The following SUMF1 variants were observed in gnomAD, a reference collection of about 807,000 sequenced individuals.
SUMF1 encodes the protein formylglycine-generating enzyme.
A neutral mutation model predicts 47.6 loss-of-function variants in SUMF1; 48 were observed. The observed-to-expected ratio is 1.01, with a 90% CI of 0.80 to 1.28. The LOEUF is 1.28. Ranked by LOEUF, SUMF1 falls within the 50% of genes most tolerant of loss-of-function variation. SUMF1 has a pLI of 0.00. For missense variants in SUMF1, 571 were observed against 485.4 expected, an observed-to-expected ratio of 1.18 and a Z score of -1.66; for synonymous variants, 230 against 192.1, an observed-to-expected ratio of 1.20 and a Z score of -1.63.
At chr3:4,234,532 G>C (rs534646037) in intron 8 of SUMF1, among the ~76,000 whole-genome samples, 6 of 152,220 alleles carry the variant, frequency 3.9e-5, no homozygotes, top group African/African-American at 1.4e-4. Context: ...GTATATGACT[G>C]TTTATGTGTA....
At chr3:4,374,232 G>A (rs1306212523) in intron 8 of SUMF1, among the ~76,000 whole-genome samples, 1 of 152,112 alleles carries the variant, frequency 6.6e-6, no homozygotes. Flanking sequence ...GATTAAAAAG[G>A]AAGAACTGTC....
intron 8 of SUMF1, among the ~76,000 whole-genome samples, chr3:4,337,676 G>A (rs1021781793): frequency 1.3e-5 from 2 of 152,102 alleles, no homozygotes; most frequent in Admixed American, 1.3e-4. Flanking sequence ...CATAGTAGGT[G>A]GATACAGAAA....
At chr3:4,061,548 T>C (rs967129095) in intron 9 of SUMF1, among the ~76,000 whole-genome samples, 1 of 152,168 alleles carries the variant, frequency 6.6e-6, no homozygotes, top group Non-Finnish European at 1.5e-5. Context: ...TCCCATCTCC[T>C]CAGCTGCAGC....
chr3:4,299,594 A>G (rs1307209574), intron 8 of SUMF1, among the ~76,000 whole-genome samples: 2 of 152,190 alleles, frequency 1.3e-5, no homozygotes, highest in Non-Finnish European at 2.9e-5. Context: ...GGATCACTTG[A>G]GGTCAGGAGT....
At chr3:4,251,401 G>A (rs1443500580) in intron 8 of SUMF1, among the ~76,000 whole-genome samples, 1 of 152,196 alleles carries the variant, frequency 6.6e-6, no homozygotes, top group Non-Finnish European at 1.5e-5. Flanking sequence ...TGTCAACATT[G>A]TTGAAATGAC....
At chr3:4,212,471 AG>A (rs1264725725) in intron 8 of SUMF1, among the ~76,000 whole-genome samples, 2 of 152,144 alleles carry the variant, frequency 1.3e-5, no homozygotes, top group Non-Finnish European at 1.5e-5. Flanking sequence ...AAGCACAAAA[AG>A]TCTGAAAATT....
chr3:4,261,725 C>G (rs1697090639), intron 8 of SUMF1, among the ~76,000 whole-genome samples: 1 of 152,148 alleles, frequency 6.6e-6, no homozygotes, highest in South Asian at 2.1e-4. Context: ...AAAAATCTAT[C>G]CATGTTCACT....
chr3:4,147,583 A>T (rs1391013971), intron 8 of SUMF1, among the ~76,000 whole-genome samples: 2 of 152,180 alleles, frequency 1.3e-5, no homozygotes, highest in African/African-American at 4.8e-5. Context: ...GACAGAATTT[A>T]TGGTCTTTTT....
chr3:4,176,547 A>G (rs554987932), intron 8 of SUMF1, among the ~76,000 whole-genome samples: 5 of 152,184 alleles, frequency 3.3e-5, no homozygotes, highest in Non-Finnish European at 5.9e-5. Context: ...AGCACTAAAC[A>G]TGGAAAGGAA....
At chr3:4,083,835 AT>A (rs1475551848) in intron 8 of SUMF1, among the ~76,000 whole-genome samples, 1 of 146,296 alleles carries the variant, frequency 6.8e-6, no homozygotes, top group Non-Finnish European at 1.5e-5. Flanking sequence ...GCACACAGGC[AT>A]GTCAAAAAAA....
intron 8 of SUMF1, among the ~76,000 whole-genome samples, chr3:4,152,206 T>A (rs893543833): frequency 6.6e-6 from 1 of 151,648 alleles, no homozygotes. Flanking sequence ...GAAATTTGCC[T>A]GGCACAAAGC....
intron 9 of SUMF1, among the ~76,000 whole-genome samples, chr3:4,050,820 A>G (rs967417843): frequency 1.3e-5 from 2 of 151,820 alleles, no homozygotes; most frequent in Non-Finnish European, 2.9e-5. Context: ...AATGATGTAC[A>G]TGAAAGCACC....
At chr3:4,118,133 C>T (rs1330394836) in intron 8 of SUMF1, among the ~76,000 whole-genome samples, 1 of 151,968 alleles carries the variant, frequency 6.6e-6, no homozygotes, top group East Asian at 1.9e-4. Flanking sequence ...ATAGGACCCT[C>T]CTCTCCCCAC....
At chr3:4,113,074 T>C (rs1693346743) in intron 8 of SUMF1, among the ~76,000 whole-genome samples, 1 of 152,160 alleles carries the variant, frequency 6.6e-6, no homozygotes, top group Admixed American at 6.5e-5. Context: ...TTAAAAATAA[T>C]TGTAAATATT....
chr3:4,266,440 C>A (rs2125029615), intron 8 of SUMF1, among the ~76,000 whole-genome samples: 1 of 152,218 alleles, frequency 6.6e-6, no homozygotes, highest in South Asian at 2.1e-4. Flanking sequence ...TGAAGAGGTC[C>A]TTCACATCCC....
At chr3:4,099,301 T>G (rs1692977691) in intron 8 of SUMF1, among the ~76,000 whole-genome samples, 1 of 152,092 alleles carries the variant, frequency 6.6e-6, no homozygotes, top group South Asian at 2.1e-4. Flanking sequence ...CAAGTTTGGT[T>G]CAACATACAT....
intron 8 of SUMF1, among the ~76,000 whole-genome samples, chr3:4,370,004 G>C (rs1700121788): frequency 6.6e-6 from 1 of 152,296 alleles, no homozygotes; most frequent in Non-Finnish European, 1.5e-5. Flanking sequence ...TGTTATCAGG[G>C]AGCTGACATT....
At chr3:4,426,945 A>G (rs1702086102) in intron 3 of SUMF1, among the ~76,000 whole-genome samples, 4 of 152,204 alleles carry the variant, frequency 2.6e-5, no homozygotes, top group Admixed American at 2.6e-4. Flanking sequence ...TGTAAATAGG[A>G]CCCACGTGAG....
intron 8 of SUMF1, among the ~76,000 whole-genome samples, chr3:4,371,331 T>G (rs1193685104): frequency 6.6e-6 from 1 of 152,188 alleles, no homozygotes; most frequent in African/African-American, 2.4e-5. Flanking sequence ...GAAATTGATC[T>G]CCATGTCTGT....
Sources: gnomAD v4.1 joint callset for allele counts (sites outside exome capture counted in the v4.1 genomes callset) on GRCh38, gnomAD v4.1.1 for gene constraint, MANE v1.5 for transcripts, NCBI Gene and HGNC (gene_info 2026-07-23, HGNC 2026-07-21) for gene names.